Variants in NDUFA13 observed in about 807,000 individuals in gnomAD.
NDUFA13 encodes the protein NADH:ubiquinone oxidoreductase subunit A13.
NDUFA13 carries 16 observed loss-of-function variants against 17.0 expected under a neutral mutation model. That is an observed-to-expected ratio of 0.94 (90% CI 0.64 to 1.43). The LOEUF is 1.43. Among genes scored for constraint, NDUFA13 ranks in the 40% most tolerant of loss-of-function variants. The pLI is 0.00. For missense variants in NDUFA13, 228 were observed against 206.7 expected (o/e 1.10, Z -0.63); for synonymous variants, 87 against 78.4 (o/e 1.11, Z -0.58).
rs1457959529 is a variant in NDUFA13, at chr19:19,522,571, C to T, written c.95-3611C>T. ...TAGGCTCACTGCAAGCTCCGCCTCCCGGGTTCACGCCATTCTCCTGCCTCA... is the reference window on the plus strand; with the variant it reads ...TAGGCTCACTGCAAGCTCCGCCTCCTGGGTTCACGCCATTCTCCTGCCTCA... On this transcript the variant is annotated intron_variant, in intron 1 of 4. Coordinates refer to ENST00000507754, the MANE Select transcript of NDUFA13 (RefSeq NM_015965.7). 8.9e-5 allele frequency among the ~76,000 whole-genome samples: 13 copies of T among 146,552 alleles called. No individual in the cohort carries two copies. In the East Asian group the frequency reaches 2.3e-3, roughly 26 times the overall value.
intron 1 of NDUFA13, among the ~76,000 whole-genome samples, chr19:19,523,219 G>T (rs567876689): frequency 6.6e-6 from 1 of 152,356 alleles, no homozygotes; most frequent in South Asian, 2.1e-4. Flanking sequence ...AGTTTGCACA[G>T]CGTTGCCATC....
chr19:19,527,336 G>A lies in NDUFA13; in HGVS notation c.229G>A (p.Ala77Thr), dbSNP rs747086280. 1.9e-6 allele frequency: 3 copies of A among 1,613,782 alleles called. No homozygotes were observed. Among genetic ancestry groups the A allele is most frequent in the Non-Finnish European group, 2.5e-6 (3 of 1,180,018 alleles). The change falls in exon 3 of 5, where the codon GCA becomes ACA. Residue 77 changes from alanine to threonine, a missense_variant. By Grantham distance (58) the Ala-to-Thr change is moderately conservative (BLOSUM62 0). Transcript: ENST00000507754. Reference sequence around the variant, plus strand: ...CATCGCGCTGTTGCCACTGTTACAGGCAGAAACCGACCGGAGGTAGCACCG... The same window carrying A: ...CATCGCGCTGTTGCCACTGTTACAGACAGAAACCGACCGGAGGTAGCACCG... ...ARIALLPLLQ[A>T]ETDRRTLQML... is the part of the protein sequence containing the mutation.
At chr19:19,523,582 C>G (rs2061088038) in intron 1 of NDUFA13, among the ~76,000 whole-genome samples, 1 of 152,098 alleles carries the variant, frequency 6.6e-6, no homozygotes, top group African/African-American at 2.4e-5. Flanking sequence ...CTTCAGCCAC[C>G]CAAGTAGGTG....
chr19:19,523,514 A>G (rs982918059), intron 1 of NDUFA13, among the ~76,000 whole-genome samples: 6 of 152,044 alleles, frequency 3.9e-5, no homozygotes, highest in Admixed American at 3.9e-4. Flanking sequence ...GCTGGAGTAC[A>G]GTGGTGCCAT....
chr19:19,520,778 AC>A (rs1600345444), intron 1 of NDUFA13, among the ~76,000 whole-genome samples: 2 of 151,064 alleles, frequency 1.3e-5, no homozygotes, highest in East Asian at 3.9e-4. Flanking sequence ...CAATCATCCC[AC>A]CCCTGGCAAA....
Position 19,526,212 on chromosome 19 carries a change from C to G in NDUFA13, c.125C>G (p.Thr42Ser). 6.2e-7 allele frequency: 1 copy of G among 1,614,162 alleles called. No individual in the cohort carries two copies. The highest frequency in any genetic ancestry group is 1.1e-5 in the South Asian group (1 of 91,092). Residue 42 changes from threonine (T) to serine (S), a missense_variant, in exon 2 of 5, where the codon ACC becomes AGC. Transcript: ENST00000507754. ...GYSMLAIGIG[T>S]LIYGHWSIMK... ...AGCATGCTGGCCATAGGGATTGGAA[C>G]CCTGATCTACGGGCACTGGAGCATA...
intron 2 of NDUFA13, 55 bp downstream of exon 2, chr19:19,526,315 TC>T: frequency 1.3e-6 from 2 of 1,578,740 alleles, no homozygotes; most frequent in Admixed American, 1.7e-5. Flanking sequence ...GTTGTCGGGG[TC>T]CTGTAGCATT....
intron 2 of NDUFA13, among the ~76,000 whole-genome samples, chr19:19,526,981 G>A (rs1264437203): frequency 2.0e-5 from 3 of 152,198 alleles, no homozygotes; most frequent in Non-Finnish European, 4.4e-5. Flanking sequence ...TCTTCGTCGC[G>A]ATCATCAGGC....
chr19:19,525,222 C>G (rs1352877954), intron 1 of NDUFA13, among the ~76,000 whole-genome samples: 1 of 152,240 alleles, frequency 6.6e-6, no homozygotes, highest in Non-Finnish European at 1.5e-5. Flanking sequence ...TTAGCCCTGA[C>G]TTGGGCTTCT....
chr19:19,523,720 G>A (rs896387535), intron 1 of NDUFA13, among the ~76,000 whole-genome samples: 5 of 152,126 alleles, frequency 3.3e-5, no homozygotes, highest in African/African-American at 1.2e-4. Flanking sequence ...CTGAGGTTGG[G>A]AGTTCCAGAC....
chr19:19,524,402 C>T (rs1036930143), intron 1 of NDUFA13, among the ~76,000 whole-genome samples: 1 of 152,242 alleles, frequency 6.6e-6, no homozygotes, highest in African/African-American at 2.4e-5. Context: ...ATTTATCTTA[C>T]AGATGGGCCT....
At chr19:19,520,938 C>T (rs2061074398) in intron 1 of NDUFA13, among the ~76,000 whole-genome samples, 1 of 152,214 alleles carries the variant, frequency 6.6e-6, no homozygotes, top group Non-Finnish European at 1.5e-5. Flanking sequence ...TTGGGTCATC[C>T]ACCTACTCTT....
At chr19:19,521,702 A>G (rs1340912996) in intron 1 of NDUFA13, among the ~76,000 whole-genome samples, 1 of 137,268 alleles carries the variant, frequency 7.3e-6, no homozygotes, top group Non-Finnish European at 1.5e-5. Flanking sequence ...TCCCGGGTTC[A>G]CGCCATTCTC....
chr19:19,517,508 G>T lies in NDUFA13; in HGVS notation c.94+1176G>T, dbSNP rs373408440. ...ACTATCGGCATGAGCTACCGTGCTCGGCAGAATGCATGTCTCTTAACAAAT... is the reference window on the plus strand; with the variant it reads ...ACTATCGGCATGAGCTACCGTGCTCTGCAGAATGCATGTCTCTTAACAAAT... On this transcript the variant is annotated intron_variant, in intron 1 of 4. Transcript: ENST00000507754. Among the ~76,000 whole-genome samples, 25 of 151,886 alleles carry T rather than the reference G, an allele frequency of 1.6e-4. No individual in the cohort carries two copies. In the East Asian group the frequency reaches 2.1e-3, roughly 13 times the overall value.
At position 19,528,004 on chromosome 19, in the gene NDUFA13, C is replaced by T. The variant is rs2061113155; in HGVS notation, c.316-3C>T. The T allele has an allele frequency of 1.9e-6, 3 of 1,612,656 alleles. No homozygotes were observed. The highest frequency in any genetic ancestry group is 2.5e-6 in the Non-Finnish European group (3 of 1,179,864). On this transcript the variant is annotated splice_region_variant and splice_polypyrimidine_tract_variant and intron_variant, in intron 4 of 4. Coordinates refer to ENST00000507754, the MANE Select transcript of NDUFA13 (RefSeq NM_015965.7). ...CTCTACCCATACCCCACTGTCCCCA[C>T]AGGTGGGGGAGTCTGTGTTCCACAC...
At chr19:19,523,906 G>A (rs1232763505) in intron 1 of NDUFA13, among the ~76,000 whole-genome samples, 1 of 152,168 alleles carries the variant, frequency 6.6e-6, no homozygotes, top group Non-Finnish European at 1.5e-5. Flanking sequence ...CTTTAGCCTG[G>A]GCTACAGAGC....
chr19:19,516,532 G>T (rs1238337639), intron 1 of NDUFA13, among the ~76,000 whole-genome samples, 200 bp downstream of exon 1: 1 of 152,226 alleles, frequency 6.6e-6, no homozygotes, highest in East Asian at 1.9e-4. Flanking sequence ...TCTCGTAACA[G>T]CCCAGGAAAT....
At chr19:19,527,435 G>A in intron 3 of NDUFA13, 83 bp downstream of exon 3, 3 of 1,513,754 alleles carry the variant, frequency 2.0e-6, no homozygotes, top group African/African-American at 1.4e-5. Flanking sequence ...CCCGAAGGTG[G>A]CCAGAATGCA....
At chr19:19,526,111 G>T in intron 1 of NDUFA13, 71 bp from the exon 2 acceptor site, 2 of 1,584,492 alleles carry the variant, frequency 1.3e-6, no homozygotes, top group Non-Finnish European at 8.6e-7. Flanking sequence ...TGCAGAGTGG[G>T]CAGCGCCTGG....
Sources: gnomAD v4.1 joint callset for allele counts (sites outside exome capture counted in the v4.1 genomes callset) on GRCh38, gnomAD v4.1.1 for gene constraint, MANE v1.5 for transcripts, NCBI Gene and HGNC (gene_info 2026-07-23, HGNC 2026-07-21) for gene names.